The following GLRX3 variants were observed in gnomAD, a reference collection of about 807,000 sequenced individuals.
GLRX3 encodes the protein glutaredoxin 3, also known as glutaredoxin-3.
Under a neutral mutation model 49.5 loss-of-function variants are expected in GLRX3, and 22 were observed. That is an observed-to-expected ratio of 0.44 (90% CI 0.32 to 0.63). The LOEUF is 0.63. Among genes scored for constraint, GLRX3 ranks in the 30% least tolerant of loss-of-function variants. GLRX3 has a pLI of 0.05. For synonymous variants in GLRX3, 133 were observed against 140.0 expected, an observed-to-expected ratio of 0.95 and a Z score of 0.35; for missense variants, 385 against 396.3, an observed-to-expected ratio of 0.97 and a Z score of 0.24.
rs371864021 is a variant in GLRX3, at chr10:130,173,755, G to A, written c.825-1112G>A. On this transcript the variant is annotated intron_variant, in intron 8 of 10. Coordinates refer to ENST00000331244, the MANE Select transcript of GLRX3 (RefSeq NM_006541.5). ...CATTGGGGTTTTTAAAAAGCATTAG[G>A]TTTACATTGGGGTCTTTTTTTGTTC... 8.9e-4 allele frequency among the ~76,000 whole-genome samples: 135 copies of A among 152,244 alleles called. 1 individual carries two copies. The South Asian group carries it at 0.026, about 29-fold the overall frequency.
intron 10 of GLRX3, among the ~76,000 whole-genome samples, chr10:130,178,788 C>T (rs1040184160): frequency 2.6e-5 from 4 of 152,136 alleles, no homozygotes; most frequent in East Asian, 1.9e-4. Flanking sequence ...CTACAATCTC[C>T]ACCTCCCGGG....
intron 8 of GLRX3, among the ~76,000 whole-genome samples, chr10:130,172,367 T>A (rs1279678310): frequency 6.6e-6 from 1 of 152,236 alleles, no homozygotes; most frequent in East Asian, 1.9e-4. Context: ...ATTGCAGTGC[T>A]CCTAGTTTTG....
chr10:130,153,033 T>G (rs1862408634), intron 2 of GLRX3, among the ~76,000 whole-genome samples: 1 of 152,232 alleles, frequency 6.6e-6, no homozygotes, highest in Non-Finnish European at 1.5e-5. Context: ...TCTTGTCTTC[T>G]CACTTTATTT....
At chr10:130,146,069 G>A (rs1310593704) in intron 2 of GLRX3, among the ~76,000 whole-genome samples, 2 of 152,064 alleles carry the variant, frequency 1.3e-5, no homozygotes, top group African/African-American at 4.8e-5. Context: ...CTGTGATTAG[G>A]CGTGAGCCAC....
At chr10:130,176,439 C>T (rs534503323) in intron 10 of GLRX3, among the ~76,000 whole-genome samples, 1 of 152,256 alleles carries the variant, frequency 6.6e-6, no homozygotes, top group South Asian at 2.1e-4. Flanking sequence ...GTTTTTAACA[C>T]GTGCTTTTGT....
At position 130,174,683 on chromosome 10, in the gene GLRX3, T is replaced by C. The variant is rs115972634; in HGVS notation, c.825-184T>C. On this transcript the variant is annotated intron_variant, in intron 8 of 10. Coordinates refer to ENST00000331244, the MANE Select transcript of GLRX3 (RefSeq NM_006541.5). The stretch of plus-strand genomic sequence containing the variant: ...AGAAAAATCCAGATAAAGTCATATG[T>C]TGGAATGACTAATTCTGTGTAGTAC... Among the ~76,000 whole-genome samples, 811 of 152,350 alleles carry C rather than the reference T, an allele frequency of 5.3e-3. 2 individuals carry two copies. Among genetic ancestry groups the C allele is most frequent in the African/African-American group, 0.018 (767 of 41,584 alleles).
chr10:130,160,104 T>C (rs1244561713), intron 3 of GLRX3, 35 bp downstream of exon 3: 1 of 1,273,928 alleles, frequency 7.8e-7, no homozygotes, highest in South Asian at 1.2e-5. Context: ...ATTATCCATT[T>C]GTAGGGTGCC....
chr10:130,147,056 T>C (rs1322107800), intron 2 of GLRX3, among the ~76,000 whole-genome samples: 2 of 152,252 alleles, frequency 1.3e-5, no homozygotes, highest in African/African-American at 2.4e-5. Flanking sequence ...CCTTCTAGTG[T>C]TTCTTTATGC....
chr10:130,161,985 T>C (rs1358974665), intron 4 of GLRX3, among the ~76,000 whole-genome samples: 1 of 152,232 alleles, frequency 6.6e-6, no homozygotes, highest in Admixed American at 6.5e-5. Context: ...GATGAATTCT[T>C]ATTTTTTCGA....
intron 4 of GLRX3, among the ~76,000 whole-genome samples, chr10:130,162,133 A>G (rs2134905040): frequency 6.6e-6 from 1 of 152,298 alleles, no homozygotes; most frequent in Middle Eastern, 3.4e-3. Context: ...GTCCACCACC[A>G]TGCCCGGCTA....
chr10:130,162,263 G>A (rs536030539), intron 4 of GLRX3, among the ~76,000 whole-genome samples: 4 of 152,274 alleles, frequency 2.6e-5, no homozygotes, highest in African/African-American at 9.6e-5. Flanking sequence ...GATTATAGGC[G>A]TGAGCCACCA....
intron 1 of GLRX3, among the ~76,000 whole-genome samples, chr10:130,143,052 CT>C (rs1476155850): frequency 1.3e-5 from 2 of 152,184 alleles, no homozygotes; most frequent in Non-Finnish European, 2.9e-5. Flanking sequence ...ACCCATTAAA[CT>C]TCCTTTCCTC....
chr10:130,177,889 A>G (rs966676967), intron 10 of GLRX3, among the ~76,000 whole-genome samples: 2 of 152,188 alleles, frequency 1.3e-5, no homozygotes, highest in Non-Finnish European at 2.9e-5. Context: ...CTGAAATGTT[A>G]TATCATACTA....
chr10:130,138,086 G>C (rs148241687), intron 1 of GLRX3, among the ~76,000 whole-genome samples: 1 of 151,988 alleles, frequency 6.6e-6, no homozygotes, highest in East Asian at 1.9e-4. Context: ...GAGACAGGCT[G>C]TTGCTCTGTT....
intron 4 of GLRX3, among the ~76,000 whole-genome samples, chr10:130,164,920 A>G (rs1162727131): frequency 6.6e-6 from 1 of 152,266 alleles, no homozygotes; most frequent in African/African-American, 2.4e-5. Flanking sequence ...TTTCAGAATC[A>G]GTGTTTTACT....
chr10:130,159,498 A>T (rs1308293323), intron 2 of GLRX3, among the ~76,000 whole-genome samples: 1 of 152,238 alleles, frequency 6.6e-6, no homozygotes, highest in Non-Finnish European at 1.5e-5. Flanking sequence ...TTTATCAGAC[A>T]TCAATAGTTT....
intron 4 of GLRX3, among the ~76,000 whole-genome samples, chr10:130,161,207 AG>A (rs1220686046): frequency 3.3e-5 from 5 of 152,346 alleles, no homozygotes; most frequent in East Asian, 3.9e-4. Context: ...TGGAACCAAA[AG>A]GGGTCTCAGA....
At chr10:130,149,235 A>C (rs896731963) in intron 2 of GLRX3, among the ~76,000 whole-genome samples, 1 of 152,156 alleles carries the variant, frequency 6.6e-6, no homozygotes, top group Non-Finnish European at 1.5e-5. Flanking sequence ...CACTAAAAGG[A>C]GTTCAAGACC....
rs755778397 is a variant in GLRX3 at position 130,160,804 on chromosome 10, G to A, written c.285G>A (p.Gln95=). Residue 95 remains glutamine (Q), a synonymous_variant, in exon 4 of 11, where the codon CAG becomes CAA. Coordinates refer to ENST00000331244, the MANE Select transcript of GLRX3 (RefSeq NM_006541.5). The part of the protein sequence containing the change: ...VPTFLFFKNS[Q]KIDRLDGAHA... ...AACTTTTTAAACTTTAGAATTCTCAGAAAATCGACCGATTAGATGGTGCAC... is the reference window on the plus strand; with the variant it reads ...AACTTTTTAAACTTTAGAATTCTCAAAAAATCGACCGATTAGATGGTGCAC... 4 of 1,587,100 alleles carry A rather than the reference G, an allele frequency of 2.5e-6. No homozygotes were observed. Among genetic ancestry groups the A allele is most frequent in the African/African-American group, 1.3e-5 (1 of 74,408 alleles).
Sources: allele counts gnomAD v4.1 joint callset (sites outside exome capture counted in the v4.1 genomes callset), GRCh38; gene constraint gnomAD v4.1.1; transcripts MANE v1.5; gene names NCBI Gene and HGNC (gene_info 2026-07-23, HGNC 2026-07-21).